The following CACNA1C variants were observed in gnomAD, a reference collection of about 807,000 sequenced individuals.
CACNA1C encodes voltage-dependent L-type calcium channel subunit alpha-1C.
Under a neutral mutation model 229.0 loss-of-function variants are expected in CACNA1C, and 30 were observed. The ratio of observed to expected loss-of-function variants is 0.13; its 90% CI spans 0.10 to 0.18. The LOEUF is 0.18. Ranked by LOEUF, CACNA1C falls within the 10% of genes least tolerant of loss-of-function variation. The pLI, the probability that CACNA1C is intolerant of heterozygous loss-of-function variation, is 1.00. For synonymous variants in CACNA1C, 1,114 were observed against 1,132.5 expected (o/e 0.98, Z 0.33); for missense variants, 1,658 against 2,845.0 (o/e 0.58, Z 9.49).
intron 3 of CACNA1C, among the ~76,000 whole-genome samples, chr12:2,349,376 G>T (rs1372957490): frequency 6.6e-6 from 1 of 152,136 alleles, no homozygotes; most frequent in East Asian, 1.9e-4. Context: ...AGACTCGCAG[G>T]GAGATTCTCT....
chr12:2,265,612 A>G (rs2082099577), intron 3 of CACNA1C, among the ~76,000 whole-genome samples: 1 of 152,150 alleles, frequency 6.6e-6, no homozygotes, highest in African/African-American at 2.4e-5. Flanking sequence ...TCTTCCCTGC[A>G]AATGCAGGGT....
chr12:2,590,527 T>G (rs1476504404), intron 18 of CACNA1C, among the ~76,000 whole-genome samples: 1 of 152,184 alleles, frequency 6.6e-6, no homozygotes, highest in Non-Finnish European at 1.5e-5. Context: ...AAGCATCACG[T>G]GCTGTCAAAG....
chr12:2,459,885 T>A (rs543522745), intron 5 of CACNA1C, among the ~76,000 whole-genome samples: 1 of 152,336 alleles, frequency 6.6e-6, no homozygotes, highest in South Asian at 2.1e-4. Flanking sequence ...ATTAGGGGTA[T>A]TAGGACGTAT....
intron 3 of CACNA1C, among the ~76,000 whole-genome samples, chr12:2,250,358 C>T (rs1041671725): frequency 2.6e-5 from 4 of 152,218 alleles, no homozygotes; most frequent in East Asian, 1.9e-4. Flanking sequence ...CCAGGTTGCA[C>T]GCACAGCACC....
intron 3 of CACNA1C, among the ~76,000 whole-genome samples, chr12:2,338,773 A>G (rs1401208943): frequency 6.6e-6 from 1 of 152,104 alleles, no homozygotes; most frequent in Non-Finnish European, 1.5e-5. Context: ...TGGGGGTGGA[A>G]TAGGGCTCTT....
At chr12:1,993,184 C>T (rs762864966) in intron 1 of CACNA1C, 2 of 1,598,508 alleles carry the variant, frequency 1.3e-6, no homozygotes, top group Non-Finnish European at 1.7e-6. Context: ...AATGCAAACA[C>T]AATGGCAAAC....
At chr12:2,071,172 C>CCCTCCCTCCCTCCCTGCCTGCCTG (rs1555115765) in intron 1 of CACNA1C, among the ~76,000 whole-genome samples, 1 of 16,046 alleles carries the variant, frequency 6.2e-5, no homozygotes, top group African/African-American at 3.9e-4. Context: ...CTCCCTCCCT[C>CCCTCCCTCCCTCCCTGCCTGCCTG]CCTGCCTGCC....
chr12:2,243,322 A>T (rs1484828916), intron 3 of CACNA1C, among the ~76,000 whole-genome samples: 1 of 152,220 alleles, frequency 6.6e-6, no homozygotes, highest in Admixed American at 6.5e-5. Flanking sequence ...GTAATTGCTG[A>T]TGAATTGAAT....
chr12:2,514,704 G>A (rs549293808), intron 9 of CACNA1C, among the ~76,000 whole-genome samples: 105 of 152,198 alleles, frequency 6.9e-4, no homozygotes, highest in East Asian at 2.7e-3. Flanking sequence ...TCTGTAGCGC[G>A]TGTTATTGAA....
intron 1 of CACNA1C, among the ~76,000 whole-genome samples, chr12:1,987,209 T>C (rs2038055620): frequency 6.6e-6 from 1 of 152,262 alleles, no homozygotes; most frequent in African/African-American, 2.4e-5. Context: ...TTGGCCTCTA[T>C]ACAGTTTTAT....
rs1376001395 is a variant in CACNA1C at position 2,597,306 on chromosome 12, C to T, written c.2853+17C>T. The T allele has an allele frequency of 6.3e-7, 1 of 1,593,642 alleles. No homozygotes were observed. The highest frequency in any genetic ancestry group is 1.7e-5 in the Admixed American group (1 of 59,994). ...GCTCTGAAGGTAAAGCCCCCATCCC[C>T]TTCTGCTCCTCCTGTCCCCCTTGTG... On this transcript the variant is annotated intron_variant, in intron 21 of 46. Transcript: ENST00000399655. This position sits in a 1 kb window ranked among gnomAD's most constrained non-coding sequence, Gnocchi z 4.3.
intron 3 of CACNA1C, among the ~76,000 whole-genome samples, chr12:2,363,136 G>C (rs1172445968): frequency 6.6e-6 from 1 of 152,120 alleles, no homozygotes; most frequent in East Asian, 1.9e-4. Context: ...CCTCACCCAA[G>C]AGCCAGTCCT....
At chr12:2,279,630 C>T (rs1474852708) in intron 3 of CACNA1C, among the ~76,000 whole-genome samples, 1 of 152,208 alleles carries the variant, frequency 6.6e-6, no homozygotes, top group African/African-American at 2.4e-5. Context: ...TTAATATAGA[C>T]AGTCCAGTGT....
chr12:2,474,716 A>G (rs930768068), intron 5 of CACNA1C, among the ~76,000 whole-genome samples: 1 of 148,254 alleles, frequency 6.7e-6, no homozygotes, highest in Non-Finnish European at 1.5e-5. Flanking sequence ...AGATCACGCC[A>G]TTGCGCTCCA....
At chr12:2,278,207 A>T (rs1392414044) in intron 3 of CACNA1C, among the ~76,000 whole-genome samples, 1 of 152,256 alleles carries the variant, frequency 6.6e-6, no homozygotes, top group Non-Finnish European at 1.5e-5. Flanking sequence ...TACAATTTTC[A>T]TACATAAGAT....
chr12:2,180,083 A>G (rs1427470609), intron 3 of CACNA1C, among the ~76,000 whole-genome samples: 2 of 152,210 alleles, frequency 1.3e-5, no homozygotes, highest in African/African-American at 2.4e-5. Flanking sequence ...GCTAGAATGG[A>G]GAGCACGTCT....
intron 1 of CACNA1C, chr12:2,004,363 G>A (rs770450095): frequency 1.9e-6 from 3 of 1,613,168 alleles, no homozygotes; most frequent in Non-Finnish European, 2.5e-6. Flanking sequence ...AGGGGTCGTG[G>A]CGCTGCAGGG....
intron 1 of CACNA1C, among the ~76,000 whole-genome samples, chr12:2,033,440 T>G (rs2048563411): frequency 6.6e-6 from 1 of 152,154 alleles, no homozygotes; most frequent in Non-Finnish European, 1.5e-5. Context: ...GTTTACATCT[T>G]CAAAACACAT....
Position 2,587,391 on chromosome 12 carries a change from A to G in CACNA1C, c.2530+1487A>G, listed in dbSNP as rs551539049. Among the ~76,000 whole-genome samples the G allele has an allele frequency of 9.8e-5, 15 of 152,328 alleles. 1 individual carries two copies. In the South Asian group the frequency reaches 2.9e-3, roughly 29 times the overall value. ...TTAGAGCCCTGAGAAGAGCCCTCCCATGGGGCCAGCCTCCAGGATGGGCCT... is the reference window on the plus strand; with the variant it reads ...TTAGAGCCCTGAGAAGAGCCCTCCCGTGGGGCCAGCCTCCAGGATGGGCCT... On this transcript the variant is annotated intron_variant, in intron 18 of 46. Transcript: ENST00000399655.
Sources: allele counts gnomAD v4.1 joint callset (sites outside exome capture counted in the v4.1 genomes callset), GRCh38; gene constraint gnomAD v4.1.1; non-coding constraint Gnocchi (gnomAD v3.1); transcripts MANE v1.5; gene names NCBI Gene and HGNC (gene_info 2026-07-23, HGNC 2026-07-21).